LRIF1: variants seen among roughly 807,000 people sequenced by gnomAD.
LRIF1 encodes the protein ligand-dependent nuclear receptor-interacting factor 1.
In LRIF1, 32 loss-of-function variants were observed where a neutral mutation model predicts 52.7. That is an observed-to-expected ratio of 0.61 (90% CI 0.46 to 0.82). LRIF1 has a LOEUF of 0.82. LRIF1 is among the 40% of genes least tolerant of loss of function. The probability of loss-of-function intolerance (pLI) is 0.00; values close to 1 mark genes in which losing one functional copy is unlikely to be tolerated. For missense variants in LRIF1, 887 were observed against 892.0 expected (o/e 0.99, Z 0.07); for synonymous variants, 323 against 317.4 (o/e 1.02, Z -0.19).
At chr1:110,960,311 ATGTG>A (rs755634827) in intron 1 of LRIF1, among the ~76,000 whole-genome samples, 8 of 151,460 alleles carry the variant, frequency 5.3e-5, no homozygotes, top group African/African-American at 1.7e-4. Context: ...ACTCTATAGT[ATGTG>A]TGTCTGTCTC....
chr1:110,894,990 G>C, the LRIF1 span: 2 of 1,613,966 alleles, frequency 1.2e-6, no homozygotes. Context: ...GGGTCTGACC[G>C]ACAGCATCCA....
At chr1:110,934,599 C>T in the LRIF1 span, among the ~76,000 whole-genome samples, 1 of 152,210 alleles carries the variant, frequency 6.6e-6, no homozygotes, top group Non-Finnish European at 1.5e-5. Flanking sequence ...CAGCATGAGG[C>T]TCCTCCGCCT....
At chr1:110,941,949 C>G in the LRIF1 span, 1 of 152,038 alleles carries the variant, frequency 6.6e-6, no homozygotes, top group African/African-American at 2.4e-5. Flanking sequence ...TATATCCTTT[C>G]TTTCCTACAT....
At chr1:110,897,243 G>T in the LRIF1 span, among the ~76,000 whole-genome samples, 1 of 152,138 alleles carries the variant, frequency 6.6e-6, no homozygotes, top group Admixed American at 6.5e-5. Flanking sequence ...TCCAGAATAG[G>T]CTCTGAGAAG....
chr1:110,926,540 C>T, the LRIF1 span, among the ~76,000 whole-genome samples: 5 of 151,576 alleles, frequency 3.3e-5, no homozygotes, highest in Non-Finnish European at 7.4e-5. Flanking sequence ...GATTAAGAAA[C>T]TAAAAATAAA....
At chr1:110,898,120 G>A in the LRIF1 span, among the ~76,000 whole-genome samples, 1 of 152,168 alleles carries the variant, frequency 6.6e-6, no homozygotes, top group African/African-American at 2.4e-5. Flanking sequence ...GCTCACGCCT[G>A]TAATCCCAGC....
chr1:110,953,684 G>A (rs769664897), intron 1 of LRIF1, among the ~76,000 whole-genome samples: 3 of 152,134 alleles, frequency 2.0e-5, no homozygotes, highest in Non-Finnish European at 2.9e-5. Flanking sequence ...TTACTTGAAT[G>A]TAAATACCTT....
At position 110,951,700 on chromosome 1, in the gene LRIF1, G is replaced by T. The variant is rs762373653; in HGVS notation, c.1184C>A (p.Thr395Lys). The change falls in exon 2 of 4, where the codon ACG (threonine) becomes AAG (lysine). Residue 395 changes from threonine to lysine, a missense_variant. Physicochemically the swap from Thr to Lys is moderately conservative, Grantham distance 78. Transcript: ENST00000369763. The stretch of plus-strand genomic sequence containing the variant: ...TGGACTTGAACTCACTGTCTGTAAC[G>T]TGTCTTTTCTTACTGGAGTATCAGG... ...VSPDTPVRKD[T>K]LQTVSSSPVT... The T allele has an allele frequency of 6.2e-7, 1 of 1,613,806 alleles. No individual in the cohort carries two copies. Among genetic ancestry groups the T allele is most frequent in the African/African-American group, 1.3e-5 (1 of 74,892 alleles).
the LRIF1 span, chr1:110,899,237 G>T: frequency 1.2e-5 from 17 of 1,415,912 alleles, no homozygotes; most frequent in South Asian, 2.0e-4. Context: ...TTCATCTCCG[G>T]AAATGCAAAA....
At chr1:110,886,869 A>ATATATATATATATATATATTTTTT in the LRIF1 span, among the ~76,000 whole-genome samples, 2 of 82,784 alleles carry the variant, frequency 2.4e-5, no homozygotes, top group Non-Finnish European at 4.5e-5. Context: ...ATATATATAT[A>ATATATATATATATATATATTTTTT]TTTTTTTTTT....
At chr1:110,882,651 T>G in the LRIF1 span, among the ~76,000 whole-genome samples, 4 of 152,162 alleles carry the variant, frequency 2.6e-5, no homozygotes, top group Middle Eastern at 3.4e-3. Flanking sequence ...TAGATAAATT[T>G]GGAAGAATTG....
At chr1:110,879,584 C>T in the LRIF1 span, among the ~76,000 whole-genome samples, 14 of 151,852 alleles carry the variant, frequency 9.2e-5, no homozygotes, top group Admixed American at 2.0e-4. Flanking sequence ...TTTATCTTGG[C>T]TTTTGTTTGA....
chr1:110,944,517 CAA>C (rs1309216432), downstream of LRIF1: 8 of 152,040 alleles, frequency 5.3e-5, no homozygotes, highest in Non-Finnish European at 7.3e-5. Flanking sequence ...TGAGTATAAG[CAA>C]AGAGGCAAAC....
At chr1:110,886,869 A>ATT in the LRIF1 span, among the ~76,000 whole-genome samples, 111 of 82,784 alleles carry the variant, frequency 1.3e-3, 2 homozygotes, top group Middle Eastern at 0.013. Flanking sequence ...ATATATATAT[A>ATT]TTTTTTTTTT....
rs34698020 is a variant in LRIF1 at position 110,947,737 on chromosome 1, CA to C, written c.*221del. On this transcript the variant is annotated 3_prime_UTR_variant, in exon 4 of 4. Coordinates refer to ENST00000369763, the MANE Select transcript of LRIF1 (RefSeq NM_018372.4). ...TAGAAAAATATAAAATTTATCCTTC[CA>C]AAAAAAGGTATCTAAGACAAAGGTA... 12 of 403,048 alleles carry C rather than the reference CA, an allele frequency of 3.0e-5. No individual in the cohort carries two copies. Among genetic ancestry groups the C allele is most frequent in the Non-Finnish European group, 4.2e-5 (10 of 238,300 alleles). The allele number at this position is 403,048 out of a possible 1,614,324, so 25.0% of individuals were successfully genotyped here.
At chr1:110,915,214 G>A in the LRIF1 span, among the ~76,000 whole-genome samples, 1 of 152,164 alleles carries the variant, frequency 6.6e-6, no homozygotes, top group Admixed American at 6.5e-5. Context: ...GGCCGGGCGC[G>A]GTGGCTCAAG....
chr1:110,963,492 C>T, intron 1 of LRIF1, 129 bp downstream of exon 1: 1 of 688,686 alleles, frequency 1.5e-6, no homozygotes, highest in Non-Finnish European at 2.4e-6. Context: ...AAGCGCTTCC[C>T]GCCTGGGTGG....
rs929022216 is a variant in LRIF1, at chr1:110,952,093, T to C, written c.791A>G (p.Asn264Ser). 6.2e-7 allele frequency: 1 copy of C among 1,614,224 alleles called. No homozygotes were observed. The highest frequency in any genetic ancestry group is 8.5e-7 in the Non-Finnish European group (1 of 1,180,028). ...AACATTCTTTGGAATTTGTGTGGTA[T>C]TTAGTATTACTGGCTTTGCTATTTC... ...VTEIAKPVILNTTQIPKNVAT... is the reference protein window; with the variant it reads ...VTEIAKPVILSTTQIPKNVAT... The change falls in exon 2 of 4, where the codon AAT becomes AGT. Residue 264 changes from asparagine (N) to serine (S), a missense_variant. By Grantham distance (46) the Asn-to-Ser change is conservative (BLOSUM62 1). Transcript: ENST00000369763.
the LRIF1 span, among the ~76,000 whole-genome samples, chr1:110,886,431 G>A: frequency 6.6e-6 from 1 of 152,040 alleles, no homozygotes; most frequent in Admixed American, 6.6e-5. Flanking sequence ...ATTTTATTTA[G>A]TCATTATTTC....
Sources: gnomAD v4.1 joint callset for allele counts (sites outside exome capture counted in the v4.1 genomes callset) on GRCh38, gnomAD v4.1.1 for gene constraint, MANE v1.5 for transcripts, NCBI Gene and HGNC (gene_info 2026-07-23, HGNC 2026-07-21) for gene names.